Variants in TTC39C observed in about 807,000 individuals in gnomAD.
The protein encoded by TTC39C is tetratricopeptide repeat domain 39C.
A neutral mutation model predicts 76.3 loss-of-function variants in TTC39C; 33 were observed. The observed-to-expected ratio is 0.43, with a 90% CI of 0.33 to 0.58. The LOEUF is 0.58. Ranked by LOEUF, TTC39C falls within the 20% of genes least tolerant of loss-of-function variation. TTC39C has a pLI of 0.04. For missense variants in TTC39C, 595 were observed against 701.4 expected (o/e 0.85, Z 1.71); for synonymous variants, 254 against 260.6 (o/e 0.97, Z 0.24).
chr18:24,070,865 C>G (rs1432758047), intron 4 of TTC39C, among the ~76,000 whole-genome samples: 1 of 151,954 alleles, frequency 6.6e-6, no homozygotes, highest in South Asian at 2.1e-4. Flanking sequence ...AAGAAAATAC[C>G]TGTTGAGAGA....
chr18:24,099,072 A>C (rs1014239748), intron 6 of TTC39C, among the ~76,000 whole-genome samples: 1 of 143,242 alleles, frequency 7.0e-6, no homozygotes, highest in Non-Finnish European at 1.5e-5. Flanking sequence ...CATATAACAT[A>C]TATACATATA....
chr18:24,005,334 G>A (rs2083343535), intron 1 of TTC39C, among the ~76,000 whole-genome samples: 1 of 152,154 alleles, frequency 6.6e-6, no homozygotes. Flanking sequence ...AGTGATGCTA[G>A]CCAGCAGTCA....
At chr18:24,058,864 A>G (rs2084052767) in intron 1 of TTC39C, among the ~76,000 whole-genome samples, 1 of 152,118 alleles carries the variant, frequency 6.6e-6, no homozygotes, top group African/African-American at 2.4e-5. Flanking sequence ...GATTTCCCTG[A>G]TAACTAATGA....
At chr18:24,045,927 ATTTTTTTTTTTTT>A (rs1156578816) in intron 1 of TTC39C, among the ~76,000 whole-genome samples, 3 of 25,678 alleles carry the variant, frequency 1.2e-4, no homozygotes, top group Non-Finnish European at 1.9e-4. Context: ...ATATATATAT[ATTTTTTTTTTTTT>A]TTTTTTTTTT....
chr18:24,118,825 T>A lies in TTC39C; in HGVS notation c.1186+593T>A, dbSNP rs189278662. The stretch of plus-strand genomic sequence containing the variant: ...GCCCTACCACGCCCAGCCAATTTTT[T>A]AAAAAAAATTTGTAGCAACAAGGTC... On this transcript the variant is annotated intron_variant, in intron 8 of 13. Transcript: ENST00000317571. Among the ~76,000 whole-genome samples, 828 of 151,724 alleles carry A rather than the reference T, an allele frequency of 5.5e-3. 10 individuals carry two copies. The highest frequency in any genetic ancestry group is 0.018 in the African/African-American group (765 of 41,360).
chr18:24,016,053 G>A (rs540008932), intron 1 of TTC39C, among the ~76,000 whole-genome samples: 2 of 152,352 alleles, frequency 1.3e-5, no homozygotes, highest in South Asian at 4.1e-4. Context: ...GTGACCGGGA[G>A]ACAGAGTCTG....
chr18:24,122,768 A>T (rs1011751214), intron 8 of TTC39C, among the ~76,000 whole-genome samples: 1 of 152,150 alleles, frequency 6.6e-6, no homozygotes, highest in Non-Finnish European at 1.5e-5. Flanking sequence ...GAAGGTGTGC[A>T]CATGATCATG....
At chr18:23,998,826 G>A (rs1410595776) in intron 1 of TTC39C, among the ~76,000 whole-genome samples, 1 of 36,928 alleles carries the variant, frequency 2.7e-5, no homozygotes, top group Admixed American at 3.0e-4. Context: ...GCTCTCTGGA[G>A]CACTCAAGTG....
intron 1 of TTC39C, among the ~76,000 whole-genome samples, chr18:24,060,135 G>A (rs1322345988): frequency 6.6e-6 from 1 of 152,146 alleles, no homozygotes; most frequent in Non-Finnish European, 1.5e-5. Context: ...CTAGGTCTTT[G>A]AGGAATTGCC....
At chr18:23,995,225 T>C (rs1268702656) in intron 1 of TTC39C, among the ~76,000 whole-genome samples, 1 of 152,158 alleles carries the variant, frequency 6.6e-6, no homozygotes, top group Non-Finnish European at 1.5e-5. Context: ...TCTAGCACTT[T>C]GGGAGGCCGA....
Position 24,118,207 on chromosome 18 carries a change from G to A in TTC39C, c.1161G>A (p.Gln387=), listed in dbSNP as rs1231108668. 5.6e-6 allele frequency: 9 copies of A among 1,613,818 alleles called. No individual in the cohort carries two copies. Among genetic ancestry groups the A allele is most frequent in the African/African-American group, 1.3e-5 (1 of 74,914 alleles). Residue 387 remains glutamine (Q), a synonymous_variant, in exon 8 of 14, where the codon CAG becomes CAA. Coordinates refer to ENST00000317571, the MANE Select transcript of TTC39C (RefSeq NM_001135993.2). ...ERLKNESRWS[Q]CYYAYLTAVC... Reference sequence around the variant, plus strand: ...TAAAAAATGAGTCCAGGTGGTCCCAGTGCTATTATGCCTACTTGACTGCAG... The same window carrying A: ...TAAAAAATGAGTCCAGGTGGTCCCAATGCTATTATGCCTACTTGACTGCAG...
chr18:24,049,443 C>A (rs2083922694), intron 1 of TTC39C, among the ~76,000 whole-genome samples: 1 of 152,200 alleles, frequency 6.6e-6, no homozygotes, highest in African/African-American at 2.4e-5. Context: ...TGTTCATTTG[C>A]TTCTCAGGCT....
intron 1 of TTC39C, among the ~76,000 whole-genome samples, chr18:23,999,676 A>T (rs1440159436): frequency 6.6e-6 from 1 of 152,220 alleles, no homozygotes; most frequent in Non-Finnish European, 1.5e-5. Context: ...GCCATGCCTA[A>T]GCCCAGCTCT....
chr18:24,036,698 A>G (rs9966261), intron 1 of TTC39C, among the ~76,000 whole-genome samples: 104,396 of 152,054 alleles, frequency 0.69, 37,011 homozygotes, highest in Non-Finnish European at 0.79. Flanking sequence ...TGGCATGATC[A>G]CAGTCTACTG....
chr18:24,122,397 G>C (rs916556671), intron 8 of TTC39C, among the ~76,000 whole-genome samples: 1 of 149,782 alleles, frequency 6.7e-6, no homozygotes, highest in African/African-American at 2.5e-5. Context: ...AGCTACTCAG[G>C]AGGCTGAGGC....
chr18:24,110,746 T>G (rs1438616209), intron 6 of TTC39C, among the ~76,000 whole-genome samples: 1 of 152,260 alleles, frequency 6.6e-6, no homozygotes, highest in African/African-American at 2.4e-5. Context: ...CTGGTGTGAA[T>G]TTGTCAATAA....
chr18:24,102,649 C>T (rs909728934), intron 6 of TTC39C, among the ~76,000 whole-genome samples: 23 of 152,210 alleles, frequency 1.5e-4, no homozygotes, highest in African/African-American at 5.3e-4. Flanking sequence ...TTGGGCTCCA[C>T]CTCAAAGGCT....
chr18:24,115,726 C>A (rs1230063502), intron 7 of TTC39C, among the ~76,000 whole-genome samples: 7 of 152,180 alleles, frequency 4.6e-5, no homozygotes, highest in Non-Finnish European at 1.0e-4. Context: ...AAACTGAAAA[C>A]CAAAAGATTG....
intron 1 of TTC39C, among the ~76,000 whole-genome samples, chr18:23,999,497 A>T (rs528147179): frequency 1.3e-5 from 2 of 152,274 alleles, no homozygotes; most frequent in East Asian, 3.9e-4. Flanking sequence ...ACTCTCCCCC[A>T]TTTTGGGCTA....
Sources: gnomAD v4.1 joint callset for allele counts (sites outside exome capture counted in the v4.1 genomes callset) on GRCh38, gnomAD v4.1.1 for gene constraint, MANE v1.5 for transcripts, NCBI Gene and HGNC (gene_info 2026-07-23, HGNC 2026-07-21) for gene names.